Variants in TMC7 observed in about 807,000 individuals in gnomAD.
TMC7 encodes transmembrane channel-like protein 7.
A neutral mutation model predicts 82.9 loss-of-function variants in TMC7; 54 were observed. The ratio of observed to expected loss-of-function variants is 0.65; its 90% CI spans 0.52 to 0.82. TMC7 has a LOEUF of 0.82. Ranked by LOEUF, TMC7 falls within the 40% of genes least tolerant of loss-of-function variation. The pLI is 0.00. For synonymous variants in TMC7, 350 were observed against 337.9 expected (o/e 1.04, Z -0.39); for missense variants, 820 against 901.2 (o/e 0.91, Z 1.15).
At chr16:19,004,878 T>C (rs1051827867) in intron 1 of TMC7, among the ~76,000 whole-genome samples, 1 of 151,340 alleles carries the variant, frequency 6.6e-6, no homozygotes, top group Admixed American at 6.6e-5. Context: ...TTGGGTTTTT[T>C]TTTTCTTGGA....
At chr16:19,044,258 C>T (rs1311150365) in intron 9 of TMC7, among the ~76,000 whole-genome samples, 2 of 152,286 alleles carry the variant, frequency 1.3e-5, no homozygotes, top group Non-Finnish European at 2.9e-5. Context: ...CAGCCTTGAT[C>T]TCCTGGGCTC....
chr16:19,045,228 C>A, intron 10 of TMC7, 113 bp from the exon 11 acceptor site: 1 of 935,126 alleles, frequency 1.1e-6, no homozygotes, highest in Non-Finnish European at 1.7e-6. Context: ...CTGATGCCCT[C>A]ACTGGAGCCA....
chr16:18,985,957 C>T (rs2038840229), intron 1 of TMC7, among the ~76,000 whole-genome samples: 1 of 151,442 alleles, frequency 6.6e-6, no homozygotes, highest in South Asian at 2.1e-4. Flanking sequence ...CACTTGAGCC[C>T]AGGAGTTTGA....
At chr16:19,061,726 G>A in intron 15 of TMC7, 52 bp from the exon 16 acceptor site, 1 of 1,484,408 alleles carries the variant, frequency 6.7e-7, no homozygotes, top group South Asian at 1.2e-5. Context: ...AGGTAATGAT[G>A]GTATTTGTTT....
intron 5 of TMC7, among the ~76,000 whole-genome samples, chr16:19,027,689 G>C (rs933857643): frequency 2.0e-5 from 3 of 152,108 alleles, no homozygotes; most frequent in Non-Finnish European, 2.9e-5. Context: ...GCCTTTGGGA[G>C]AGTTGAAAGG....
In TMC7 at chr16:19,037,959, T is replaced by G; in HGVS notation, c.1091T>G (p.Phe364Cys). 3.7e-6 allele frequency: 6 copies of G among 1,614,186 alleles called. No individual in the cohort carries two copies. The highest frequency in any genetic ancestry group is 5.1e-6 in the Non-Finnish European group (6 of 1,180,030). ...ATACGCATTTACTCTTTGAGACTGTTTTTGAACTGTATTGTTCTGGCTGTT... is the reference window on the plus strand; with the variant it reads ...ATACGCATTTACTCTTTGAGACTGTGTTTGAACTGTATTGTTCTGGCTGTT... ...ETIRIYSLRLFLNCIVLAVLG... is the reference protein window; with the variant it reads ...ETIRIYSLRLCLNCIVLAVLG... The change falls in exon 8 of 16, where the codon TTT (phenylalanine) becomes TGT (cysteine). Residue 364 changes from phenylalanine to cysteine, a missense_variant. Physicochemically the swap from Phe to Cys is radical, Grantham distance 205. Transcript: ENST00000304381.
At chr16:19,004,001 CTG>C (rs2039188176) in intron 1 of TMC7, among the ~76,000 whole-genome samples, 1 of 121,146 alleles carries the variant, frequency 8.3e-6, no homozygotes, top group African/African-American at 3.1e-5. Flanking sequence ...AAATCCCCCT[CTG>C]TGAGAAACAC....
At chr16:19,035,897 C>T in intron 7 of TMC7, 74 bp downstream of exon 7, 2 of 1,493,960 alleles carry the variant, frequency 1.3e-6, no homozygotes, top group Non-Finnish European at 1.8e-6. Context: ...GAGTTTTCAG[C>T]TTGCAGAGGA....
At chr16:18,997,075 A>G (rs1567500625) in intron 1 of TMC7, among the ~76,000 whole-genome samples, 2 of 152,198 alleles carry the variant, frequency 1.3e-5, no homozygotes, top group African/African-American at 4.8e-5. Flanking sequence ...AATTGGTGAG[A>G]TGTTCCTTGG....
chr16:19,038,316 C>A (rs1960852076), intron 8 of TMC7, among the ~76,000 whole-genome samples: 1 of 152,148 alleles, frequency 6.6e-6, no homozygotes, highest in South Asian at 2.1e-4. Flanking sequence ...CTGCCTCAGC[C>A]TCCCGAGTAG....
At chr16:18,992,166 T>C (rs1218877209) in intron 1 of TMC7, among the ~76,000 whole-genome samples, 90 of 152,152 alleles carry the variant, frequency 5.9e-4, no homozygotes, top group South Asian at 2.1e-4. Context: ...CCTGAGGAAT[T>C]GCCACACTGT....
At chr16:19,011,101 T>TAACCCACTCCC (rs1454157197) in intron 2 of TMC7, among the ~76,000 whole-genome samples, 1 of 152,140 alleles carries the variant, frequency 6.6e-6, no homozygotes, top group Non-Finnish European at 1.5e-5. Context: ...GGGAGTGGGT[T>TAACCCACTCCC]AAGAGCCAAG....
At chr16:19,021,946 C>A in intron 4 of TMC7, 150 bp downstream of exon 4, 2 of 905,702 alleles carry the variant, frequency 2.2e-6, no homozygotes, top group South Asian at 3.7e-5. Context: ...AACAAGTGAC[C>A]CCATAATGCT....
chr16:19,046,789 C>T (rs188862682), intron 11 of TMC7, among the ~76,000 whole-genome samples: 1 of 150,812 alleles, frequency 6.6e-6, no homozygotes, highest in East Asian at 2.0e-4. Flanking sequence ...GCTATGATTG[C>T]ACCACTACAC....
At chr16:19,045,147 G>A (rs1961210276) in intron 10 of TMC7, 146 bp downstream of exon 10, 3 of 859,570 alleles carry the variant, frequency 3.5e-6, no homozygotes, top group Non-Finnish European at 5.8e-6. Flanking sequence ...CTGGCCCCAT[G>A]GAGTCTAACC....
At chr16:18,991,565 T>A (rs979554136) in intron 1 of TMC7, among the ~76,000 whole-genome samples, 9 of 152,198 alleles carry the variant, frequency 5.9e-5, no homozygotes, top group Non-Finnish European at 1.0e-4. Flanking sequence ...AGCAATTGTT[T>A]CTTTTTTATT....
intron 1 of TMC7, among the ~76,000 whole-genome samples, chr16:18,991,265 G>A (rs1215814606): frequency 3.3e-5 from 5 of 152,132 alleles, no homozygotes. Flanking sequence ...CTAAACAGAA[G>A]ACGCAAGGTC....
chr16:18,996,369 C>G (rs576498343), intron 1 of TMC7, among the ~76,000 whole-genome samples: 1 of 152,218 alleles, frequency 6.6e-6, no homozygotes, highest in South Asian at 2.1e-4. Context: ...AAAAGAATGC[C>G]TGGATGTCAG....
At chr16:19,032,753 A>G (rs890969758) in intron 6 of TMC7, among the ~76,000 whole-genome samples, 1 of 151,914 alleles carries the variant, frequency 6.6e-6, no homozygotes, top group Non-Finnish European at 1.5e-5. Flanking sequence ...TCAGCCTCCC[A>G]AGTAGCTGAG....
Sources: allele counts gnomAD v4.1 joint callset (sites outside exome capture counted in the v4.1 genomes callset), GRCh38; gene constraint gnomAD v4.1.1; transcripts MANE v1.5; gene names NCBI Gene and HGNC (gene_info 2026-07-23, HGNC 2026-07-21).